The following RPH3A variants were observed in gnomAD, a reference collection of about 807,000 sequenced individuals.
RPH3A encodes the protein rabphilin 3A.
Under a neutral mutation model 102.2 loss-of-function variants are expected in RPH3A, and 48 were observed. The ratio of observed to expected loss-of-function variants is 0.47; its 90% CI spans 0.37 to 0.60. RPH3A has a LOEUF of 0.60. RPH3A is among the 20% of genes least tolerant of loss of function. The pLI is 0.00. For missense variants in RPH3A, 781 were observed against 910.1 expected (o/e 0.86, Z 1.83); for synonymous variants, 310 against 324.3 (o/e 0.96, Z 0.47).
At chr12:112,749,441 A>G (rs1159215683) in intron 1 of RPH3A, among the ~76,000 whole-genome samples, 4 of 152,178 alleles carry the variant, frequency 2.6e-5, no homozygotes, top group Non-Finnish European at 4.4e-5. Context: ...ATTGAACTCA[A>G]TCATCTTTCA....
chr12:112,765,221 A>T (rs1221023480), intron 1 of RPH3A, among the ~76,000 whole-genome samples: 2 of 149,826 alleles, frequency 1.3e-5, no homozygotes, highest in Admixed American at 6.6e-5. Context: ...GTGGGGAGGA[A>T]GGTGCAATGT....
intron 16 of RPH3A, among the ~76,000 whole-genome samples, chr12:112,884,269 G>C (rs1250777181): frequency 6.6e-6 from 1 of 152,064 alleles, no homozygotes; most frequent in Non-Finnish European, 1.5e-5. Context: ...CTGTGTTTGC[G>C]TCAGCTCTTT....
At chr12:112,862,162 A>G (rs1450386518) in intron 5 of RPH3A, among the ~76,000 whole-genome samples, 5 of 152,118 alleles carry the variant, frequency 3.3e-5, no homozygotes, top group Admixed American at 1.3e-4. Context: ...TTTCCAAAAG[A>G]AATGTTTTTA....
At chr12:112,723,128 G>T (rs1243793073) in intron 1 of RPH3A, among the ~76,000 whole-genome samples, 1 of 152,076 alleles carries the variant, frequency 6.6e-6, no homozygotes, top group South Asian at 2.1e-4. Context: ...ATATACAGTT[G>T]GCCCTTGAGC....
At chr12:112,759,594 C>T (rs576574798) in intron 1 of RPH3A, among the ~76,000 whole-genome samples, 1 of 152,240 alleles carries the variant, frequency 6.6e-6, no homozygotes, top group East Asian at 1.9e-4. Context: ...ATCTCCTGAC[C>T]CTGGTCCACC....
chr12:112,836,785 T>C (rs766554406), intron 4 of RPH3A, among the ~76,000 whole-genome samples: 1 of 152,236 alleles, frequency 6.6e-6, no homozygotes, highest in Non-Finnish European at 1.5e-5. Context: ...AGCAAGTTTA[T>C]TGGCCACTCA....
intron 2 of RPH3A, among the ~76,000 whole-genome samples, chr12:112,806,634 T>C (rs975003726): frequency 4.0e-5 from 6 of 149,142 alleles, no homozygotes; most frequent in African/African-American, 5.1e-5. Flanking sequence ...ATCTCAAAAA[T>C]TAAAAAAAAA....
chr12:112,608,639 CCTT>C (rs1156388471), intron 1 of RPH3A, among the ~76,000 whole-genome samples: 3 of 152,146 alleles, frequency 2.0e-5, no homozygotes, highest in East Asian at 1.9e-4. Context: ...GAAATGCAAA[CCTT>C]CTTGTAAGAC....
chr12:112,797,889 A>G (rs1468735803), intron 2 of RPH3A, among the ~76,000 whole-genome samples: 2 of 151,804 alleles, frequency 1.3e-5, no homozygotes, highest in African/African-American at 2.4e-5. Context: ...AGATCTCTCT[A>G]TGTTGCTCAG....
At chr12:112,722,805 A>G (rs1295433129) in intron 1 of RPH3A, among the ~76,000 whole-genome samples, 1 of 152,236 alleles carries the variant, frequency 6.6e-6, no homozygotes, top group Admixed American at 6.5e-5. Flanking sequence ...GAAGGCTAGA[A>G]ACAGCCTGGG....
intron 1 of RPH3A, among the ~76,000 whole-genome samples, chr12:112,659,520 A>C (rs997547834): frequency 6.6e-6 from 1 of 152,234 alleles, no homozygotes; most frequent in Non-Finnish European, 1.5e-5. Flanking sequence ...GGGGTGGCAC[A>C]TGATTTTGAT....
intron 1 of RPH3A, among the ~76,000 whole-genome samples, chr12:112,612,820 C>G (rs11831433): frequency 0.048 from 7,349 of 151,972 alleles, 408 homozygotes; most frequent in African/African-American, 0.13. Flanking sequence ...AAGCGATCTG[C>G]CTGCCTCAGC....
intron 1 of RPH3A, among the ~76,000 whole-genome samples, chr12:112,685,143 C>T (rs1214852559): frequency 1.3e-5 from 2 of 152,034 alleles, no homozygotes; most frequent in South Asian, 2.1e-4. Flanking sequence ...CACTATGTTG[C>T]CCAGGCTGGT....
intron 1 of RPH3A, among the ~76,000 whole-genome samples, chr12:112,738,538 C>G (rs1353855834): frequency 6.6e-6 from 1 of 152,072 alleles, no homozygotes; most frequent in East Asian, 1.9e-4. Flanking sequence ...CTTTCTAGAC[C>G]ACATTTTGAG....
chr12:112,854,539 C>A (rs1467992252), intron 5 of RPH3A, among the ~76,000 whole-genome samples: 1 of 152,250 alleles, frequency 6.6e-6, no homozygotes, highest in Non-Finnish European at 1.5e-5. Context: ...CAGAGTCACA[C>A]AGTTAATAAG....
At chr12:112,678,823 G>A (rs1358788709) in intron 1 of RPH3A, among the ~76,000 whole-genome samples, 1 of 152,128 alleles carries the variant, frequency 6.6e-6, no homozygotes, top group African/African-American at 2.4e-5. Context: ...AGTCTACTGG[G>A]GAAGCAGACC....
upstream of RPH3A, chr12:112,791,465 C>T (rs976029176): frequency 2.6e-5 from 4 of 152,540 alleles, no homozygotes; most frequent in Admixed American, 6.5e-5. Context: ...CGGACTCCCC[C>T]CTTCTCTGCT....
upstream of RPH3A, among the ~76,000 whole-genome samples, chr12:112,790,874 C>T (rs1294513108): frequency 1.3e-5 from 2 of 152,180 alleles, no homozygotes; most frequent in East Asian, 3.9e-4. Context: ...CTTTATCACT[C>T]TGTCCAAACA....
Position 112,689,205 on chromosome 12 carries a change from A to G in RPH3A, c.-139-102938A>G, listed in dbSNP as rs149410762. On this transcript the variant is annotated intron_variant, in intron 1 of 21. Coordinates refer to the RPH3A transcript ENST00000543106. ...TCCATGTGTAAGAAGGTAAATGGCC[A>G]TCAAAACTTGACCATGGAATTGGGA... 9.9e-3 allele frequency among the ~76,000 whole-genome samples: 1,510 copies of G among 152,330 alleles called. 28 individuals are homozygous for G. Among genetic ancestry groups the G allele is most frequent in the African/African-American group, 0.035 (1,441 of 41,578 alleles).
Sources: gnomAD v4.1 joint callset for allele counts (sites outside exome capture counted in the v4.1 genomes callset) on GRCh38, gnomAD v4.1.1 for gene constraint, MANE v1.5 for transcripts, NCBI Gene and HGNC (gene_info 2026-07-23, HGNC 2026-07-21) for gene names.